The following HDAC9 variants were observed in gnomAD, a reference collection of about 807,000 sequenced individuals.
HDAC9 encodes the protein MEF-2 interacting transcription repressor (MITR) protein.
A neutral mutation model predicts 139.4 loss-of-function variants in HDAC9; 41 were observed. The observed-to-expected ratio is 0.29, with a 90% CI of 0.23 to 0.38. The LOEUF (loss-of-function observed/expected upper bound fraction) is 0.38, where lower values mean the gene tolerates loss of function less well. HDAC9 is among the 10% of genes least tolerant of loss of function. HDAC9 has a pLI of 1.00. For synonymous variants in HDAC9, 517 were observed against 476.2 expected (o/e 1.09, Z -1.12); for missense variants, 1,147 against 1,297.0 (o/e 0.88, Z 1.78).
chr7:18,226,529 A>G (rs1332127653), intron 2 of HDAC9, among the ~76,000 whole-genome samples: 2 of 152,198 alleles, frequency 1.3e-5, no homozygotes, highest in Admixed American at 1.3e-4. Flanking sequence ...CTTCCATAAA[A>G]AAAACTAAAG....
chr7:18,311,581 A>G (rs73305282), intron 1 of HDAC9, among the ~76,000 whole-genome samples: 3,034 of 152,210 alleles, frequency 0.02, 104 homozygotes, highest in African/African-American at 0.069. Flanking sequence ...TAGTTGCCCA[A>G]ATTTACATAA....
intron 7 of HDAC9, among the ~76,000 whole-genome samples, chr7:18,634,082 G>C (rs574285682): frequency 7.2e-5 from 11 of 152,028 alleles, no homozygotes; most frequent in Admixed American, 3.9e-4. Flanking sequence ...GCAATGTTGA[G>C]ATTTTACATT....
chr7:18,859,810 TCATATATATATATATATATATATATA>T (rs1797959395), intron 21 of HDAC9, among the ~76,000 whole-genome samples: 1 of 63,858 alleles, frequency 1.6e-5, no homozygotes, highest in African/African-American at 5.9e-5. Flanking sequence ...GCTAACGCTC[TCATATATATATATATATATATATATA>T]TATATATATA....
chr7:18,889,120 G>A (rs779261436), intron 22 of HDAC9, among the ~76,000 whole-genome samples: 2 of 152,046 alleles, frequency 1.3e-5, no homozygotes, highest in Non-Finnish European at 2.9e-5. Flanking sequence ...ATGCTCCTCT[G>A]CCAACCCTTT....
chr7:18,590,274 G>A (rs775900463), intron 3 of HDAC9, 62 bp from the exon 4 acceptor site: 572 of 1,549,064 alleles, frequency 3.7e-4, no homozygotes, highest in Non-Finnish European at 4.9e-4. Flanking sequence ...TTCAGTTTTG[G>A]TCAGTGATGA....
intron 1 of HDAC9, among the ~76,000 whole-genome samples, chr7:18,148,757 G>T (rs1182647593): frequency 1.3e-5 from 2 of 152,138 alleles, no homozygotes; most frequent in Non-Finnish European, 2.9e-5. Flanking sequence ...ACCACATCTG[G>T]CCTCTCCCTT....
At position 19,000,340 on chromosome 7, in the gene HDAC9, T is replaced by C. The variant is rs1486073809; in HGVS notation, c.*4278T>C. The C allele has an allele frequency of 6.6e-6, 1 of 152,230 alleles. No individual in the cohort carries two copies. The highest frequency in any genetic ancestry group is 1.5e-5 in the Non-Finnish European group (1 of 68,032). 9.4% of individuals were successfully genotyped at this position (152,230 alleles called of 1,614,324 possible). Reference sequence around the variant, plus strand: ...TCCTATATGTGACTTTTTCTGGGCATATTTGCATCAAAAATCACAGTCCTT... The same window carrying C: ...TCCTATATGTGACTTTTTCTGGGCACATTTGCATCAAAAATCACAGTCCTT... On this transcript the variant is annotated 3_prime_UTR_variant, in exon 26 of 26. Coordinates refer to ENST00000686413, the MANE Select transcript of HDAC9 (RefSeq NM_178425.4).
At chr7:18,350,488 G>C (rs1782768995) in intron 1 of HDAC9, among the ~76,000 whole-genome samples, 1 of 152,106 alleles carries the variant, frequency 6.6e-6, no homozygotes, top group Non-Finnish European at 1.5e-5. Flanking sequence ...TCCTCTTTGT[G>C]TGTTTTCTTC....
At chr7:18,721,721 A>G (rs1785158177) in intron 12 of HDAC9, among the ~76,000 whole-genome samples, 1 of 152,216 alleles carries the variant, frequency 6.6e-6, no homozygotes, top group Non-Finnish European at 1.5e-5. Flanking sequence ...CGATAGCAAC[A>G]AGAAAGCAAA....
chr7:18,775,194 G>A (rs183750367), intron 16 of HDAC9, among the ~76,000 whole-genome samples: 104 of 152,110 alleles, frequency 6.8e-4, no homozygotes, highest in Non-Finnish European at 9.1e-4. Flanking sequence ...AAAGATGACT[G>A]ATCACAGATG....
chr7:18,736,748 T>A (rs1786946232), intron 13 of HDAC9, among the ~76,000 whole-genome samples: 1 of 152,246 alleles, frequency 6.6e-6, no homozygotes, highest in Non-Finnish European at 1.5e-5. Context: ...GCTGGCCTCA[T>A]AAAATCAGTT....
At chr7:18,640,543 G>GTTCC (rs1448201086) in intron 8 of HDAC9, among the ~76,000 whole-genome samples, 1 of 149,686 alleles carries the variant, frequency 6.7e-6, no homozygotes, top group Non-Finnish European at 1.5e-5. Context: ...TCCTTCCTTG[G>GTTCC]TTCCTTCTCT....
intron 2 of HDAC9, among the ~76,000 whole-genome samples, chr7:18,575,598 A>G (rs1825728598): frequency 6.6e-6 from 1 of 152,248 alleles, no homozygotes; most frequent in Admixed American, 6.5e-5. Flanking sequence ...GAAATGCAAA[A>G]TGACACCTTG....
chr7:18,183,833 G>A (rs1789695893), intron 2 of HDAC9, among the ~76,000 whole-genome samples: 1 of 152,060 alleles, frequency 6.6e-6, no homozygotes, highest in Non-Finnish European at 1.5e-5. Context: ...ATACATAAAT[G>A]GTAAAGTATC....
At chr7:18,338,150 A>G (rs1781720835) in intron 1 of HDAC9, among the ~76,000 whole-genome samples, 1 of 151,724 alleles carries the variant, frequency 6.6e-6, no homozygotes, top group Non-Finnish European at 1.5e-5. Flanking sequence ...TTCACATTTC[A>G]GAAGTAGAAA....
chr7:18,910,712 C>A (rs150477419), intron 22 of HDAC9, among the ~76,000 whole-genome samples: 1 of 151,916 alleles, frequency 6.6e-6, no homozygotes, highest in Non-Finnish European at 1.5e-5. Flanking sequence ...TTGTGATGAT[C>A]GTATGGCTTT....
chr7:18,115,485 A>T (rs923384255), intron 1 of HDAC9, among the ~76,000 whole-genome samples: 1 of 152,246 alleles, frequency 6.6e-6, no homozygotes, highest in African/African-American at 2.4e-5. Context: ...ACATTCCACC[A>T]TGAAAATACA....
At chr7:18,968,487 T>C (rs937908218) in intron 24 of HDAC9, among the ~76,000 whole-genome samples, 2 of 152,074 alleles carry the variant, frequency 1.3e-5, no homozygotes, top group Middle Eastern at 3.2e-3. Context: ...GTTCCATACA[T>C]ATATGGAACA....
At chr7:18,125,588 CAG>C (rs1268444292) in intron 1 of HDAC9, among the ~76,000 whole-genome samples, 1 of 151,832 alleles carries the variant, frequency 6.6e-6, no homozygotes, top group Non-Finnish European at 1.5e-5. Context: ...GACATGTAGA[CAG>C]GGATTACAGT....
Sources: gnomAD v4.1 joint callset for allele counts (sites outside exome capture counted in the v4.1 genomes callset) on GRCh38, gnomAD v4.1.1 for gene constraint, MANE v1.5 for transcripts, NCBI Gene and HGNC (gene_info 2026-07-23, HGNC 2026-07-21) for gene names.